The following NRG1 variants were observed in gnomAD, a reference collection of about 807,000 sequenced individuals.
The protein encoded by NRG1 is neuregulin 1.
In NRG1, 18 loss-of-function variants were observed where a neutral mutation model predicts 63.8. The ratio of observed to expected loss-of-function variants is 0.28; its 90% CI spans 0.19 to 0.42. The LOEUF is 0.42. Among genes scored for constraint, NRG1 ranks in the 10% least tolerant of loss-of-function variants. The probability of loss-of-function intolerance (pLI) is 1.00; values close to 1 mark genes in which losing one functional copy is unlikely to be tolerated. For missense variants in NRG1, 762 were observed against 814.7 expected (o/e 0.94, Z 0.79); for synonymous variants, 302 against 301.3 (o/e 1.00, Z -0.02).
At chr8:31,968,334 G>A (rs1020308179) in intron 1 of NRG1, among the ~76,000 whole-genome samples, 14 of 152,160 alleles carry the variant, frequency 9.2e-5, no homozygotes, top group African/African-American at 2.4e-4. Flanking sequence ...GCTCATGTCT[G>A]CTGTGGGTAA....
intron 1 of NRG1, among the ~76,000 whole-genome samples, chr8:32,429,834 C>A (rs1214996719): frequency 6.6e-6 from 1 of 152,024 alleles, no homozygotes; most frequent in East Asian, 1.9e-4. Context: ...TGCTCTTGAC[C>A]TATACCATGA....
At chr8:31,988,721 C>A (rs1810511203) in intron 1 of NRG1, among the ~76,000 whole-genome samples, 1 of 151,954 alleles carries the variant, frequency 6.6e-6, no homozygotes, top group Non-Finnish European at 1.5e-5. Flanking sequence ...GCAGTGAGGC[C>A]AGAGATCCAC....
intron 5 of NRG1, chr8:32,722,104 A>G (rs765495054): frequency 9.1e-6 from 12 of 1,320,514 alleles, no homozygotes; most frequent in South Asian, 1.4e-5. Flanking sequence ...AAACATTTAA[A>G]ATGTGCATAT....
chr8:32,645,819 G>A (rs1003061366), intron 5 of NRG1, among the ~76,000 whole-genome samples: 4 of 152,186 alleles, frequency 2.6e-5, no homozygotes, highest in Admixed American at 2.6e-4. Flanking sequence ...GCAGCACAGT[G>A]CTTGGGGAAG....
intron 1 of NRG1, among the ~76,000 whole-genome samples, chr8:32,116,229 G>A (rs998043153): frequency 7.9e-5 from 12 of 151,958 alleles, no homozygotes; most frequent in East Asian, 1.9e-4. Context: ...CCTCCTGTAC[G>A]ACCTAAAACT....
At chr8:32,623,136 G>T (rs1261200985) in intron 5 of NRG1, among the ~76,000 whole-genome samples, 1 of 152,208 alleles carries the variant, frequency 6.6e-6, no homozygotes, top group East Asian at 1.9e-4. Context: ...TGAAGGAAAA[G>T]AATGTCTTTG....
At chr8:31,909,551 T>G (rs1378510481) in intron 1 of NRG1, among the ~76,000 whole-genome samples, 1 of 152,186 alleles carries the variant, frequency 6.6e-6, no homozygotes, top group East Asian at 1.9e-4. Context: ...ATTGTTTGCT[T>G]CAACTCAACA....
At chr8:32,736,560 G>T (rs911624312) in intron 6 of NRG1, among the ~76,000 whole-genome samples, 5 of 152,120 alleles carry the variant, frequency 3.3e-5, no homozygotes, top group Non-Finnish European at 7.3e-5. Context: ...TGTAAACATA[G>T]GCATCAAATA....
At chr8:32,429,414 C>G (rs1198127408) in intron 1 of NRG1, among the ~76,000 whole-genome samples, 1 of 152,262 alleles carries the variant, frequency 6.6e-6, no homozygotes, top group East Asian at 1.9e-4. Flanking sequence ...CACTATGAAG[C>G]CTTTTGCCCA....
At chr8:32,028,875 A>G (rs968407178) in intron 1 of NRG1, among the ~76,000 whole-genome samples, 3 of 149,208 alleles carry the variant, frequency 2.0e-5, no homozygotes, top group Non-Finnish European at 4.5e-5. Flanking sequence ...TAACCTTCCT[A>G]TTCATAGTGA....
intron 1 of NRG1, among the ~76,000 whole-genome samples, chr8:32,112,187 T>G (rs1359949517): frequency 6.6e-6 from 1 of 152,204 alleles, no homozygotes; most frequent in African/African-American, 2.4e-5. Flanking sequence ...GATACAGAAT[T>G]TACAATAGTT....
At chr8:32,476,538 C>A (rs1338337529) in intron 1 of NRG1, among the ~76,000 whole-genome samples, 1 of 152,114 alleles carries the variant, frequency 6.6e-6, no homozygotes, top group Non-Finnish European at 1.5e-5. Context: ...GGGTGGGGAC[C>A]ATGTGATCTC....
chr8:31,784,956 C>T (rs1820036859), intron 1 of NRG1, among the ~76,000 whole-genome samples: 1 of 152,164 alleles, frequency 6.6e-6, no homozygotes, highest in East Asian at 1.9e-4. Flanking sequence ...CCCTTTATCA[C>T]ACTTTTCCTT....
At position 32,207,674 on chromosome 8, in the gene NRG1, G is replaced by A. The variant is rs75485209; in HGVS notation, c.38-388154G>A. ...CCTGTAGTACCAGTGGGCTATTTCC[G>A]TCTAATAACAGATTCAAAAAATCCA... is the stretch of plus-strand genomic sequence containing the variant. On this transcript the variant is annotated intron_variant, in intron 1 of 10. Transcript: ENST00000519301. Among the ~76,000 whole-genome samples, 734 of 152,178 alleles carry A rather than the reference G, an allele frequency of 4.8e-3. 11 individuals are homozygous for A. The highest frequency in any genetic ancestry group is 0.017 in the African/African-American group (701 of 41,522).
In NRG1 at chr8:32,604,876, TAA is replaced by T. The variant is rs5890667; in HGVS notation, c.279-676_279-675del. On this transcript the variant is annotated intron_variant, in intron 2 of 11. Transcript: ENST00000356819. The stretch of plus-strand genomic sequence containing the variant: ...CAGCAAATCACAATGCTGCCCATGT[TAA>T]AAAAAAAAAGTGAATGTTGATGTAA... Among the ~76,000 whole-genome samples the T allele has an allele frequency of 8.7e-3, 1,304 of 150,252 alleles. 11 individuals are homozygous for T. Among genetic ancestry groups the T allele is most frequent in the African/African-American group, 0.01 (425 of 41,054 alleles).
chr8:32,175,424 G>A (rs1335008067), intron 1 of NRG1, among the ~76,000 whole-genome samples: 1 of 152,172 alleles, frequency 6.6e-6, no homozygotes, highest in Non-Finnish European at 1.5e-5. Context: ...ACTGGCACAA[G>A]ACAGGGATGC....
intron 1 of NRG1, among the ~76,000 whole-genome samples, chr8:31,928,947 C>A (rs1834645119): frequency 6.6e-6 from 1 of 152,080 alleles, no homozygotes. Context: ...AATAGGTACA[C>A]TAAAATCCTA....
At chr8:32,067,216 C>T (rs1415334422) in intron 1 of NRG1, among the ~76,000 whole-genome samples, 4 of 152,110 alleles carry the variant, frequency 2.6e-5, no homozygotes, top group Non-Finnish European at 5.9e-5. Context: ...CCAGAACTTC[C>T]AACACTATGT....
intron 1 of NRG1, among the ~76,000 whole-genome samples, chr8:31,993,139 G>C (rs2129632867): frequency 6.6e-6 from 1 of 152,054 alleles, no homozygotes; most frequent in South Asian, 2.1e-4. Flanking sequence ...AAGTCTGTGG[G>C]GTTGACTCGA....
Sources: allele counts gnomAD v4.1 joint callset (sites outside exome capture counted in the v4.1 genomes callset), GRCh38; gene constraint gnomAD v4.1.1; transcripts MANE v1.5; gene names NCBI Gene and HGNC (gene_info 2026-07-23, HGNC 2026-07-21).